Variants in MBNL3 observed in about 807,000 individuals in gnomAD.
MBNL3 encodes muscleblind-like protein 3.
A neutral mutation model predicts 24.5 loss-of-function variants in MBNL3; 6 were observed. The observed-to-expected ratio is 0.25, with a 90% CI of 0.13 to 0.48. MBNL3 has a LOEUF of 0.48. MBNL3 is among the 20% of genes least tolerant of loss of function. The pLI is 0.99. For missense variants in MBNL3, 230 were observed against 293.5 expected, an observed-to-expected ratio of 0.78 and a Z score of 1.58; for synonymous variants, 100 against 101.7, an observed-to-expected ratio of 0.98 and a Z score of 0.10.
At chrX:132,448,823 G>T (rs759624750) in intron 1 of MBNL3, among the ~76,000 whole-genome samples, 4 of 112,091 alleles carry the variant, frequency 3.6e-5, no homozygotes, top group Non-Finnish European at 7.5e-5. Context: ...GTGTCCCAGA[G>T]ATTCTGGCAC....
chrX:132,411,933 C>T (rs1198930183), intron 2 of MBNL3, among the ~76,000 whole-genome samples: 1 of 111,521 alleles, frequency 9.0e-6, no homozygotes, highest in African/African-American at 3.3e-5. Context: ...ACCTTAGAAA[C>T]CTAAGTGCTT....
intron 1 of MBNL3, among the ~76,000 whole-genome samples, chrX:132,450,162 G>A (rs1603256891): frequency 1.8e-5 from 2 of 111,061 alleles, no homozygotes; most frequent in African/African-American, 6.5e-5. Context: ...TTCTCAAGGA[G>A]TATCTTTGTG....
intron 3 of MBNL3, among the ~76,000 whole-genome samples, chrX:132,394,182 CAGG>C (rs1308841149): frequency 9.0e-6 from 1 of 111,417 alleles, no homozygotes; most frequent in Admixed American, 9.5e-5. Flanking sequence ...ATGGTGTAGT[CAGG>C]AGAAGGACTC....
intron 1 of MBNL3, among the ~76,000 whole-genome samples, chrX:132,461,360 G>C (rs772509709): frequency 2.7e-5 from 3 of 111,277 alleles, no homozygotes; most frequent in Non-Finnish European, 5.7e-5. Context: ...TGTCACACTG[G>C]CTGGGAAGTT....
intron 2 of MBNL3, among the ~76,000 whole-genome samples, chrX:132,406,778 A>T (rs1320464842): frequency 8.9e-6 from 1 of 112,122 alleles, no homozygotes; most frequent in Non-Finnish European, 1.9e-5. Context: ...ATTATGGTTT[A>T]CTATGTAGCA....
At chrX:132,475,626 G>A (rs1947400605) in intron 1 of MBNL3, among the ~76,000 whole-genome samples, 1 of 112,284 alleles carries the variant, frequency 8.9e-6, no homozygotes, top group Non-Finnish European at 1.9e-5. Context: ...ATAAATGTCA[G>A]TTGACTCTGA....
chrX:132,390,263 AAC>A (rs1356052630), intron 5 of MBNL3, among the ~76,000 whole-genome samples: 22 of 43,186 alleles, frequency 5.1e-4, no homozygotes, highest in African/African-American at 1.5e-3. Context: ...CAACAACAAC[AAC>A]AAAAAAAAAA....
chrX:132,452,153 T>A (rs887631827), intron 1 of MBNL3, among the ~76,000 whole-genome samples: 2 of 111,750 alleles, frequency 1.8e-5, no homozygotes, highest in Non-Finnish European at 3.8e-5. Context: ...CACTTAAATA[T>A]GTTAAACTAG....
intron 6 of MBNL3, 89 bp downstream of exon 6, chrX:132,386,572 T>C: frequency 9.7e-7 from 1 of 1,033,298 alleles, no homozygotes; most frequent in Non-Finnish European, 1.3e-6. Flanking sequence ...TCGACAGTCC[T>C]CCTATACAAG....
chrX:132,417,607 C>T (rs747668143), intron 2 of MBNL3, among the ~76,000 whole-genome samples: 3 of 111,519 alleles, frequency 2.7e-5, no homozygotes, highest in African/African-American at 6.5e-5. Flanking sequence ...CTATTAAGCA[C>T]GAAAAGATTT....
chrX:132,476,486 GCT>G (rs1354295585), intron 1 of MBNL3, among the ~76,000 whole-genome samples: 1 of 111,764 alleles, frequency 8.9e-6, no homozygotes. Flanking sequence ...AAACCATGCA[GCT>G]CTTTCTCTCC....
chrX:132,439,423 G>T lies in MBNL3; in HGVS notation c.177+12C>A, dbSNP rs12852813. 10,667 of 1,149,605 alleles carry T rather than the reference G, an allele frequency of 9.3e-3. 52 individuals are homozygous for T. The highest frequency in any genetic ancestry group is 0.011 in the Non-Finnish European group (9,341 of 866,674). The allele number at this position is 1,149,605 out of a possible 1,213,427, so 94.7% of individuals were successfully genotyped here. On this transcript the variant is annotated intron_variant, in intron 2 of 8. Transcript: ENST00000370853. ...AACAAATTTAAATTATGTGCATTCA[G>T]ATGGGACTCACCTTTAGAGAATCAA...
intron 1 of MBNL3, among the ~76,000 whole-genome samples, chrX:132,477,931 C>T (rs73237366): frequency 0.015 from 1,678 of 111,352 alleles, 12 homozygotes; most frequent in South Asian, 0.04. Context: ...CTTTGTTCAC[C>T]GCAGAAAAAA....
intron 3 of MBNL3, among the ~76,000 whole-genome samples, chrX:132,398,512 T>C (rs1206064777): frequency 8.9e-6 from 1 of 111,988 alleles, no homozygotes; most frequent in Non-Finnish European, 1.9e-5. Context: ...GTAGTAATAG[T>C]ATCATGAGCA....
chrX:132,380,285 G>A (rs1934647971), intron 8 of MBNL3, among the ~76,000 whole-genome samples: 1 of 111,861 alleles, frequency 8.9e-6, no homozygotes, highest in Non-Finnish European at 1.9e-5. Flanking sequence ...GACAACTTGT[G>A]GTTACCTTGA....
At position 132,424,527 on chromosome X, in the gene MBNL3, G is replaced by A. The variant is rs749440052; in HGVS notation, c.177+14908C>T. ...ATTCATTTTTGCTTCAACGAAAGCA[G>A]AGGAGTTTATAATGAAAAATATGCG... is the stretch of plus-strand genomic sequence containing the variant. On this transcript the variant is annotated intron_variant, in intron 2 of 8. Transcript: ENST00000370853. Among the ~76,000 whole-genome samples, 3 of 112,030 alleles carry A rather than the reference G, an allele frequency of 2.7e-5. No individual in the cohort carries two copies. In the Admixed American group the frequency reaches 2.8e-4, roughly 11 times the overall value.
At chrX:132,408,397 G>A (rs1345713164) in intron 2 of MBNL3, among the ~76,000 whole-genome samples, 2 of 108,613 alleles carry the variant, frequency 1.8e-5, no homozygotes, top group African/African-American at 6.7e-5. Flanking sequence ...ACACAAGCGT[G>A]GAACACAATT....
chrX:132,428,782 T>C (rs1237534224), intron 2 of MBNL3, among the ~76,000 whole-genome samples: 2 of 111,962 alleles, frequency 1.8e-5, no homozygotes, highest in Admixed American at 9.5e-5. Flanking sequence ...CTAGAAGAAC[T>C]AATTGCTATT....
At position 132,382,239 on chromosome X, in the gene MBNL3, A is replaced by C. The variant is rs1037905541; in HGVS notation, c.992T>G (p.Val331Gly). ...PMMHGATPTT[V>G]SAATTPATSV... ...GGTGGCAGGTGTTGTTGCTGCAGAC[A>C]CAGTGGTAGGTGTAGCACCGTGCAT... Residue 331 changes from valine (V) to glycine (G), a missense_variant, in exon 8 of 9, where the codon GTG becomes GGG. Transcript: ENST00000370853. The C allele has an allele frequency of 5.8e-6, 7 of 1,209,429 alleles. No homozygotes were observed. The African/African-American group carries it at 1.2e-4, about 21-fold the overall frequency.
Sources: gnomAD v4.1 joint callset for allele counts (sites outside exome capture counted in the v4.1 genomes callset) on GRCh38, gnomAD v4.1.1 for gene constraint, MANE v1.5 for transcripts, NCBI Gene and HGNC (gene_info 2026-07-23, HGNC 2026-07-21) for gene names.